Variants in CELF2 observed in about 807,000 individuals in gnomAD.
The protein encoded by CELF2 is CUG triplet repeat RNA-binding protein 2.
CELF2 carries 8 observed loss-of-function variants against 62.6 expected under a neutral mutation model. That is an observed-to-expected ratio of 0.13 (90% confidence interval 0.07 to 0.23). The LOEUF is 0.23. Ranked by LOEUF, CELF2 falls within the 10% of genes least tolerant of loss-of-function variation. The pLI, the probability that CELF2 is intolerant of heterozygous loss-of-function variation, is 1.00. For missense variants in CELF2, 333 were observed against 671.0 expected (o/e 0.50, Z 5.56); for synonymous variants, 258 against 250.0 (o/e 1.03, Z -0.30).
rs943541733 is a variant in CELF2, at chr10:11,324,259, A to G, written c.1295-1577A>G. On this transcript the variant is annotated intron_variant, in intron 11 of 12. Coordinates refer to ENST00000633077, the MANE Select transcript of CELF2 (RefSeq NM_001326342.2). The surrounding 1 kb of genome is among the most constrained non-coding windows in gnomAD (Gnocchi z 4.7). ...ACTTCACAGTTCAAACTGGGGCCCA[A>G]TAACTCTCATTTGTGCATTTGGATC... Among the ~76,000 whole-genome samples, 2 of 152,236 alleles carry G rather than the reference A, an allele frequency of 1.3e-5. No individual in the cohort carries two copies. Among genetic ancestry groups the G allele is most frequent in the African/African-American group, 2.4e-5 (1 of 41,454 alleles).
At chr10:11,083,725 A>T (rs1463231396) in intron 1 of CELF2, among the ~76,000 whole-genome samples, 2 of 152,184 alleles carry the variant, frequency 1.3e-5, no homozygotes, top group Non-Finnish European at 2.9e-5. Flanking sequence ...GACAGCTTGA[A>T]TTGGACTCTG....
chr10:10,769,821 A>G, the CELF2 span, among the ~76,000 whole-genome samples: 2 of 152,110 alleles, frequency 1.3e-5, no homozygotes, highest in African/African-American at 4.8e-5. Context: ...ATGCTAATTC[A>G]CTTTAAAATT....
intron 5 of CELF2, among the ~76,000 whole-genome samples, chr10:11,261,418 CTT>C (rs11388167): frequency 3.6e-4 from 52 of 146,080 alleles, no homozygotes; most frequent in Admixed American, 6.1e-4. Flanking sequence ...GAATCACTGC[CTT>C]TTTTTTTTTT....
the CELF2 span, among the ~76,000 whole-genome samples, chr10:10,527,668 C>A: frequency 6.6e-6 from 1 of 152,166 alleles, no homozygotes; most frequent in South Asian, 2.1e-4. Context: ...AGACTCCAAG[C>A]CATCTCTAGC....
chr10:11,014,179 T>A (rs2056902676), upstream of CELF2, among the ~76,000 whole-genome samples: 1 of 152,186 alleles, frequency 6.6e-6, no homozygotes, highest in African/African-American at 2.4e-5. Flanking sequence ...GGAAAGATGT[T>A]TTGCATCCTG....
At chr10:10,698,967 T>C in the CELF2 span, among the ~76,000 whole-genome samples, 5 of 152,002 alleles carry the variant, frequency 3.3e-5, no homozygotes, top group African/African-American at 4.8e-5. Flanking sequence ...ATATCATACA[T>C]AATTATATTA....
rs144516555 is a variant in CELF2 at position 11,329,214 on chromosome 10, C to T, written c.*161C>T. The T allele has an allele frequency of 2.7e-4, 154 of 571,968 alleles. No homozygotes were observed. In the African/African-American group the frequency reaches 2.7e-3, roughly 10 times the overall value. The allele number at this position is 571,968 out of a possible 1,614,324, so 35.4% of individuals were successfully genotyped here. A position where few individuals can be genotyped will look rare whatever the true frequency, so the allele number is the denominator to read the frequency against. On this transcript the variant is annotated 3_prime_UTR_variant, in exon 13 of 13. Coordinates refer to ENST00000633077, the MANE Select transcript of CELF2 (RefSeq NM_001326342.2). This position sits in a 1 kb window ranked among gnomAD's most constrained non-coding sequence, Gnocchi z 5.5. ...AAGGCCTCCATGTCCCCACCCACTT[C>T]CCCTACCCAGTTTGCCATAATTAAA...
chr10:11,283,803 G>A (rs931658493), intron 8 of CELF2, among the ~76,000 whole-genome samples: 1 of 151,276 alleles, frequency 6.6e-6, no homozygotes, highest in South Asian at 2.1e-4. Flanking sequence ...GGTAGATGAT[G>A]AGTGGATGGG....
the CELF2 span, among the ~76,000 whole-genome samples, chr10:10,774,786 G>A: frequency 1.3e-5 from 2 of 152,158 alleles, no homozygotes; most frequent in African/African-American, 2.4e-5. Flanking sequence ...AGGGACCAGC[G>A]GGTTTAGGGC....
the CELF2 span, among the ~76,000 whole-genome samples, chr10:10,701,313 C>A: frequency 0.048 from 7,324 of 152,254 alleles, 568 homozygotes; most frequent in African/African-American, 0.17. Context: ...GGAACTAGGA[C>A]AAGTATGAGC....
chr10:11,021,664 G>C (rs1186517697), intron 1 of CELF2, among the ~76,000 whole-genome samples: 2 of 152,220 alleles, frequency 1.3e-5, no homozygotes, highest in Non-Finnish European at 2.9e-5. Context: ...ACATTTTACA[G>C]ATGATGCTTA....
chr10:10,838,953 A>G (rs2058491218), intron 1 of CELF2, among the ~76,000 whole-genome samples: 1 of 152,072 alleles, frequency 6.6e-6, no homozygotes, highest in African/African-American at 2.4e-5. Context: ...ATCCTGGCTA[A>G]TATGGTGAAA....
In CELF2 at chr10:11,177,027, C is replaced by G. The variant is rs2133884599; in HGVS notation, c.271+11345C>G. Among the ~76,000 whole-genome samples, 1 of 152,288 alleles carries G rather than the reference C, an allele frequency of 6.6e-6. No individual in the cohort carries two copies. Among genetic ancestry groups the G allele is most frequent in the East Asian group, 1.9e-4 (1 of 5,178 alleles). On this transcript the variant is annotated intron_variant, in intron 2 of 12. Coordinates refer to ENST00000633077, the MANE Select transcript of CELF2 (RefSeq NM_001326342.2). The surrounding 1 kb of genome is among the most constrained non-coding windows in gnomAD (Gnocchi z 4.8). ...GCTGGTTCCTTCTCACCCCTGCACC[C>G]TTCCTGGAATCACCACTGGTTGCAG...
chr10:10,586,195 C>T, the CELF2 span, among the ~76,000 whole-genome samples: 1 of 152,164 alleles, frequency 6.6e-6, no homozygotes, highest in Non-Finnish European at 1.5e-5. Flanking sequence ...TACACTTATT[C>T]CCTTTCTCCC....
intron 1 of CELF2, among the ~76,000 whole-genome samples, chr10:11,120,274 C>A (rs2057466153): frequency 6.6e-6 from 1 of 152,160 alleles, no homozygotes; most frequent in East Asian, 1.9e-4. Flanking sequence ...CTTAATAGTC[C>A]CAAGGAGCAA....
intron 1 of CELF2, among the ~76,000 whole-genome samples, chr10:11,122,266 A>C (rs2057908476): frequency 6.6e-6 from 1 of 152,160 alleles, no homozygotes; most frequent in African/African-American, 2.4e-5. Flanking sequence ...CCCAAACTAT[A>C]CAGAACAGCC....
chr10:10,710,079 A>G, the CELF2 span, among the ~76,000 whole-genome samples: 1 of 152,172 alleles, frequency 6.6e-6, no homozygotes, highest in Non-Finnish European at 1.5e-5. Context: ...TCCAGTCAGG[A>G]TTCCACAATA....
chr10:10,900,092 T>C (rs1267516717), intron 1 of CELF2, among the ~76,000 whole-genome samples: 1 of 152,158 alleles, frequency 6.6e-6, no homozygotes, highest in African/African-American at 2.4e-5. Context: ...GAATTTTAAA[T>C]TTTCTCACAA....
chr10:10,636,881 T>C, the CELF2 span, among the ~76,000 whole-genome samples: 1 of 152,166 alleles, frequency 6.6e-6, no homozygotes, highest in Non-Finnish European at 1.5e-5. Context: ...ATTATTAGGA[T>C]TAACAGAAAG....
Sources: allele counts gnomAD v4.1 joint callset (sites outside exome capture counted in the v4.1 genomes callset), GRCh38; gene constraint gnomAD v4.1.1; non-coding constraint Gnocchi (gnomAD v3.1); transcripts MANE v1.5; gene names NCBI Gene and HGNC (gene_info 2026-07-23, HGNC 2026-07-21).